NCKAP5: variants seen among roughly 807,000 people sequenced by gnomAD.
NCKAP5 encodes nck-associated protein 5.
NCKAP5 carries 92 observed loss-of-function variants against 167.0 expected under a neutral mutation model. The ratio of observed to expected loss-of-function variants is 0.55; its 90% CI spans 0.47 to 0.66. The LOEUF (loss-of-function observed/expected upper bound fraction) is 0.66. Among genes scored for constraint, NCKAP5 ranks in the 30% least tolerant of loss-of-function variants. The pLI, the probability that NCKAP5 is intolerant of heterozygous loss-of-function variation, is 0.00. For missense variants in NCKAP5, 2,378 were observed against 2,315.0 expected (o/e 1.03, Z -0.56); for synonymous variants, 891 against 877.4 (o/e 1.02, Z -0.27).
chr2:133,558,342 A>C (rs537259515), intron 2 of NCKAP5: 1 of 152,374 alleles, frequency 6.6e-6, no homozygotes, highest in East Asian at 1.9e-4. Context: ...ATAAATGAAG[A>C]TGAGGAGGGA....
chr2:132,705,818 C>T (rs994903968), intron 19 of NCKAP5, among the ~76,000 whole-genome samples: 10 of 152,140 alleles, frequency 6.6e-5, no homozygotes, highest in Non-Finnish European at 1.2e-4. Flanking sequence ...AACCTAAGGA[C>T]GTCAAGGCCC....
chr2:133,415,224 C>A (rs749012489), intron 3 of NCKAP5, among the ~76,000 whole-genome samples: 4 of 152,256 alleles, frequency 2.6e-5, no homozygotes, highest in Non-Finnish European at 4.4e-5. Context: ...CCTGGAAATT[C>A]CTTGCAAAAT....
the NCKAP5 span, among the ~76,000 whole-genome samples, chr2:133,635,112 G>A: frequency 6.6e-6 from 1 of 152,214 alleles, no homozygotes; most frequent in Non-Finnish European, 1.5e-5. Context: ...GACCTCAGGT[G>A]ATCCACCTGC....
intron 8 of NCKAP5, among the ~76,000 whole-genome samples, chr2:132,936,127 G>A (rs1268609710): frequency 8.6e-5 from 13 of 151,772 alleles, no homozygotes; most frequent in South Asian, 8.3e-4. Flanking sequence ...GATTACAGGC[G>A]CTCGCCACCA....
intron 7 of NCKAP5, among the ~76,000 whole-genome samples, chr2:132,969,971 T>C (rs2076784792): frequency 6.6e-6 from 1 of 152,052 alleles, no homozygotes; most frequent in Admixed American, 6.6e-5. Context: ...TAAGGTAACA[T>C]TGAGAAAGAG....
intron 3 of NCKAP5, among the ~76,000 whole-genome samples, chr2:133,315,624 T>G (rs1681548284): frequency 1.4e-5 from 2 of 146,926 alleles, no homozygotes; most frequent in Admixed American, 6.7e-5. Context: ...ACTTGGAGGT[T>G]GAGAGGAGAA....
At chr2:133,018,813 T>G (rs1371436465) in intron 6 of NCKAP5, among the ~76,000 whole-genome samples, 2 of 152,140 alleles carry the variant, frequency 1.3e-5, no homozygotes, top group Non-Finnish European at 2.9e-5. Flanking sequence ...CTAGGGAAAT[T>G]TTATCTCAAA....
At chr2:133,450,437 T>C (rs1691481296) in intron 3 of NCKAP5, among the ~76,000 whole-genome samples, 1 of 152,224 alleles carries the variant, frequency 6.6e-6, no homozygotes, top group Non-Finnish European at 1.5e-5. Context: ...ATGCGGCCTA[T>C]GGTAACATTA....
chr2:132,951,649 C>CAT (rs2149147875), intron 8 of NCKAP5, among the ~76,000 whole-genome samples: 2 of 152,314 alleles, frequency 1.3e-5, no homozygotes, highest in African/African-American at 4.8e-5. Flanking sequence ...TACAGCATTT[C>CAT]ATAGTTTCAG....
intron 11 of NCKAP5, among the ~76,000 whole-genome samples, chr2:132,811,621 G>T (rs1410683821): frequency 6.6e-6 from 1 of 151,816 alleles, no homozygotes; most frequent in Non-Finnish European, 1.5e-5. Flanking sequence ...CCTGCCCCCT[G>T]CCCCCTCAAC....
At chr2:132,870,928 G>C (rs1346133855) in intron 9 of NCKAP5, among the ~76,000 whole-genome samples, 2 of 151,886 alleles carry the variant, frequency 1.3e-5, no homozygotes, top group Admixed American at 1.3e-4. Flanking sequence ...ATCTGTAATT[G>C]ATTAGTTAAA....
intron 3 of NCKAP5, among the ~76,000 whole-genome samples, chr2:133,378,507 C>T (rs1318598239): frequency 6.6e-6 from 1 of 152,190 alleles, no homozygotes; most frequent in East Asian, 1.9e-4. Context: ...CCAATTGCCC[C>T]TTCCACTGCA....
At chr2:132,955,106 G>T (rs938145361) in intron 8 of NCKAP5, among the ~76,000 whole-genome samples, 1 of 152,208 alleles carries the variant, frequency 6.6e-6, no homozygotes, top group Non-Finnish European at 1.5e-5. Context: ...CCACTGGCAC[G>T]TTGCCTTAAT....
intron 6 of NCKAP5, among the ~76,000 whole-genome samples, chr2:133,003,631 G>A (rs931529408): frequency 6.6e-6 from 1 of 152,162 alleles, no homozygotes; most frequent in Non-Finnish European, 1.5e-5. Context: ...AAACTGCACT[G>A]AAACAGAAAC....
At chr2:133,597,524 C>T in the NCKAP5 span, among the ~76,000 whole-genome samples, 1 of 151,846 alleles carries the variant, frequency 6.6e-6, no homozygotes. Flanking sequence ...AAAAAATTAG[C>T]TGGGTGTGGA....
intron 2 of NCKAP5, among the ~76,000 whole-genome samples, chr2:133,557,651 G>A (rs1479800365): frequency 6.6e-6 from 1 of 152,166 alleles, no homozygotes; most frequent in Non-Finnish European, 1.5e-5. Context: ...TTTAATCAAA[G>A]GAGAAAGACA....
intron 3 of NCKAP5, among the ~76,000 whole-genome samples, chr2:133,396,974 G>C (rs1256580636): frequency 6.6e-6 from 1 of 152,184 alleles, no homozygotes; most frequent in Non-Finnish European, 1.5e-5. Flanking sequence ...AATGCAGAAT[G>C]GTGTGAAGAC....
chr2:133,018,930 A>G (rs1363325460), intron 6 of NCKAP5, among the ~76,000 whole-genome samples: 2 of 152,196 alleles, frequency 1.3e-5, no homozygotes, highest in Non-Finnish European at 2.9e-5. Context: ...CCTTGTTGCT[A>G]TTTAAAAGTC....
chr2:133,662,977 A>T, the NCKAP5 span, among the ~76,000 whole-genome samples: 16 of 152,112 alleles, frequency 1.1e-4, no homozygotes. Flanking sequence ...GCTTAAAAAA[A>T]ATGCCGGGGC....
Sources: allele counts gnomAD v4.1 joint callset (sites outside exome capture counted in the v4.1 genomes callset), GRCh38; gene constraint gnomAD v4.1.1; transcripts MANE v1.5; gene names NCBI Gene and HGNC (gene_info 2026-07-23, HGNC 2026-07-21).